EYS: variants seen among roughly 807,000 people sequenced by gnomAD.
The protein encoded by EYS is protein eyes shut homolog.
In EYS, 250 loss-of-function variants were observed where a neutral mutation model predicts 282.1. That is an observed-to-expected ratio of 0.89 (90% CI 0.80 to 0.98). The LOEUF (loss-of-function observed/expected upper bound fraction) is 0.98, where lower values mean the gene tolerates loss of function less well. EYS is among the 50% of genes least tolerant of loss of function. The pLI, the probability that EYS is intolerant of heterozygous loss-of-function variation, is 0.00. For synonymous variants in EYS, 1,355 were observed against 1,282.9 expected (o/e 1.06, Z -1.20); for missense variants, 4,016 against 3,709.0 (o/e 1.08, Z -2.15).
At position 64,192,704 on chromosome 6, in the gene EYS, GT is replaced by G. The variant is rs1765153267; in HGVS notation, c.6424+37887del. 2.6e-5 allele frequency among the ~76,000 whole-genome samples: 4 copies of G among 151,930 alleles called. No individual in the cohort carries two copies. In the South Asian group the frequency reaches 8.3e-4, roughly 32 times the overall value. On this transcript the variant is annotated intron_variant, in intron 31 of 42. Transcript: ENST00000503581. ...TTCAAGATGGATTAAAGACTTAAACGTTAGACCTAAAACCATAAAAACCCTA... is the reference window on the plus strand; with the variant it reads ...TTCAAGATGGATTAAAGACTTAAACGTAGACCTAAAACCATAAAAACCCTA...
intron 22 of EYS, among the ~76,000 whole-genome samples, chr6:64,686,765 G>A (rs74197037): frequency 0.12 from 1,503 of 12,292 alleles, 120 homozygotes; most frequent in Middle Eastern, 0.33. Flanking sequence ...ATATATATGT[G>A]TGTATATATA....
chr6:64,485,179 T>C lies in EYS; in HGVS notation c.5645-45827A>G, dbSNP rs528871446. Reference sequence around the variant, plus strand: ...ATAAGGGTCCAGCTTAAGGAGCAGGTTAAATTGCTAAGCACTTGCTGAATT... The same window carrying C: ...ATAAGGGTCCAGCTTAAGGAGCAGGCTAAATTGCTAAGCACTTGCTGAATT... On this transcript the variant is annotated intron_variant, in intron 26 of 42. Coordinates refer to ENST00000503581, the MANE Select transcript of EYS (RefSeq NM_001142800.2). Among the ~76,000 whole-genome samples the C allele has an allele frequency of 5.0e-4, 76 of 151,748 alleles. 1 individual carries two copies. Among genetic ancestry groups the C allele is most frequent in the African/African-American group, 1.7e-3 (72 of 41,486 alleles).
intron 13 of EYS, among the ~76,000 whole-genome samples, chr6:65,012,875 TAA>T (rs5876936): frequency 6.7e-6 from 1 of 148,412 alleles, no homozygotes; most frequent in Admixed American, 6.7e-5. Flanking sequence ...TTTCCTTCAA[TAA>T]AAAAAAATCT....
intron 13 of EYS, among the ~76,000 whole-genome samples, chr6:65,007,870 C>A (rs556268619): frequency 6.6e-6 from 1 of 152,302 alleles, no homozygotes; most frequent in South Asian, 2.1e-4. Flanking sequence ...TGATGTTTTA[C>A]AAGAGTTAGG....
chr6:64,134,913 A>G (rs1453628115), intron 31 of EYS, among the ~76,000 whole-genome samples: 1 of 152,136 alleles, frequency 6.6e-6, no homozygotes, highest in Non-Finnish European at 1.5e-5. Flanking sequence ...TGCTATGGAT[A>G]TATGATGAGA....
intron 26 of EYS, among the ~76,000 whole-genome samples, chr6:64,455,661 G>A (rs1775537388): frequency 6.6e-6 from 1 of 151,920 alleles, no homozygotes; most frequent in Non-Finnish European, 1.5e-5. Flanking sequence ...GTGTCTATGT[G>A]TTCTCATTTT....
intron 2 of EYS, among the ~76,000 whole-genome samples, chr6:65,509,463 A>G (rs537484657): frequency 5.6e-4 from 85 of 152,306 alleles, no homozygotes; most frequent in Middle Eastern, 6.8e-3. Flanking sequence ...TTAATTATCA[A>G]TTATGTCAAA....
intron 2 of EYS, among the ~76,000 whole-genome samples, chr6:65,605,646 C>T (rs545658959): frequency 6.5e-4 from 98 of 151,744 alleles, no homozygotes; most frequent in African/African-American, 2.0e-3. Flanking sequence ...ACATATTTAG[C>T]AAAATTATTT....
At chr6:64,216,781 C>A (rs1310956327) in intron 31 of EYS, among the ~76,000 whole-genome samples, 1 of 152,142 alleles carries the variant, frequency 6.6e-6, no homozygotes, top group Admixed American at 6.6e-5. Context: ...AAGTCCAGAG[C>A]AATGGCTGAA....
chr6:65,494,822 T>C lies in EYS; in HGVS notation c.589A>G (p.Thr197Ala). 1 of 1,614,076 alleles carries C rather than the reference T, an allele frequency of 6.2e-7. No individual in the cohort carries two copies. Among genetic ancestry groups the C allele is most frequent in the Non-Finnish European group, 8.5e-7 (1 of 1,180,004 alleles). The change falls in exon 4 of 43, where the codon ACA (threonine) becomes GCA (alanine). Residue 197 changes from threonine (T) to alanine (A), a missense_variant. Physicochemically the swap from Thr to Ala is moderately conservative, Grantham distance 58 (BLOSUM62 0). Transcript: ENST00000503581. ...GKCLSEAWSKTYSCHCQPPFS... is the reference protein window; with the variant it reads ...GKCLSEAWSKAYSCHCQPPFS... ...GGAGGCTGGCAATGGCAGCTATATG[T>C]CTTGCTCCAAGCTTCACTAAGACAT...
intron 22 of EYS, among the ~76,000 whole-genome samples, chr6:64,773,888 T>A (rs945097657): frequency 1.3e-5 from 2 of 151,876 alleles, no homozygotes; most frequent in African/African-American, 4.8e-5. Context: ...GTTGTCTGTT[T>A]ACTCTGTTGA....
chr6:65,190,190 T>A (rs951598983), intron 12 of EYS, among the ~76,000 whole-genome samples: 3 of 150,768 alleles, frequency 2.0e-5, no homozygotes, highest in Admixed American at 6.6e-5. Flanking sequence ...TTATGCTCTA[T>A]CTCTCTGTGT....
chr6:63,903,957 C>T (rs1335559123), intron 35 of EYS, among the ~76,000 whole-genome samples: 1 of 152,222 alleles, frequency 6.6e-6, no homozygotes, highest in Admixed American at 6.5e-5. Context: ...TTATAACCCT[C>T]GATTTTGTCC....
At chr6:65,268,527 T>C (rs1767816634) in intron 12 of EYS, among the ~76,000 whole-genome samples, 3 of 152,004 alleles carry the variant, frequency 2.0e-5, no homozygotes, top group South Asian at 4.1e-4. Context: ...AAGTCATTGA[T>C]AAAAATAGAG....
chr6:65,157,242 T>C (rs1764749810), intron 12 of EYS, among the ~76,000 whole-genome samples: 2 of 151,068 alleles, frequency 1.3e-5, no homozygotes, highest in African/African-American at 4.8e-5. Flanking sequence ...TCTACACCAC[T>C]ATTAAAATAA....
At position 65,150,170 on chromosome 6, in the gene EYS, C is replaced by T. The variant is rs148947418; in HGVS notation, c.2024-92443G>A. Among the ~76,000 whole-genome samples, 308 of 152,012 alleles carry T rather than the reference C, an allele frequency of 2.0e-3. 4 individuals carry two copies. The highest frequency in any genetic ancestry group is 2.1e-3 in the South Asian group (10 of 4,806). On this transcript the variant is annotated intron_variant, in intron 12 of 42. Transcript: ENST00000503581. Reference sequence around the variant, plus strand: ...GTGGGAGCACAGCCAAGCCATATCACCTGTCATTATGGGGGGAAATAGTGT... The same window carrying T: ...GTGGGAGCACAGCCAAGCCATATCATCTGTCATTATGGGGGGAAATAGTGT...
chr6:64,962,468 T>C lies in EYS; in HGVS notation c.2260-16554A>G, dbSNP rs145251740. On this transcript the variant is annotated intron_variant, in intron 14 of 42. Coordinates refer to ENST00000503581, the MANE Select transcript of EYS (RefSeq NM_001142800.2). The stretch of plus-strand genomic sequence containing the variant: ...CAAGTAGGTGGGGCATGGTGGCTCA[T>C]GCCTGAAATCATAGCCCTTTGGGAG... Among the ~76,000 whole-genome samples, 23 of 152,086 alleles carry C rather than the reference T, an allele frequency of 1.5e-4. 1 individual carries two copies. The highest frequency in any genetic ancestry group is 5.1e-4 in the African/African-American group (21 of 41,498).
chr6:63,882,382 A>G (rs1414094912), intron 35 of EYS, among the ~76,000 whole-genome samples: 1 of 152,124 alleles, frequency 6.6e-6, no homozygotes, highest in Non-Finnish European at 1.5e-5. Context: ...TTTACACTGG[A>G]GTTCCTTGAT....
chr6:64,670,350 C>T (rs892300304), intron 22 of EYS, among the ~76,000 whole-genome samples: 4 of 151,382 alleles, frequency 2.6e-5, no homozygotes, highest in South Asian at 4.2e-4. Flanking sequence ...GTCTACATTG[C>T]CTGATTAACT....
Sources: allele counts gnomAD v4.1 joint callset (sites outside exome capture counted in the v4.1 genomes callset), GRCh38; gene constraint gnomAD v4.1.1; transcripts MANE v1.5; gene names NCBI Gene and HGNC (gene_info 2026-07-23, HGNC 2026-07-21).